The following SCAMP1 variants were observed in gnomAD, a reference collection of about 807,000 sequenced individuals.
SCAMP1 encodes secretory carrier membrane protein 1.
SCAMP1 carries 15 observed loss-of-function variants against 41.8 expected under a neutral mutation model. The observed-to-expected ratio is 0.36, with a 90% CI of 0.24 to 0.55. The LOEUF (loss-of-function observed/expected upper bound fraction) is 0.55. Ranked by LOEUF, SCAMP1 falls within the 20% of genes least tolerant of loss-of-function variation. The pLI is 0.86. For synonymous variants in SCAMP1, 135 were observed against 136.8 expected (o/e 0.99, Z 0.09); for missense variants, 341 against 412.6 (o/e 0.83, Z 1.50).
chr5:78,470,941 G>A (rs1753870706), intron 8 of SCAMP1, among the ~76,000 whole-genome samples: 1 of 152,106 alleles, frequency 6.6e-6, no homozygotes, highest in Non-Finnish European at 1.5e-5. Context: ...GTCTCCTTAA[G>A]CCATATTGCA....
At chr5:78,362,895 C>CTTTT (rs397962842) in intron 1 of SCAMP1, among the ~76,000 whole-genome samples, 1 of 136,606 alleles carries the variant, frequency 7.3e-6, no homozygotes, top group Non-Finnish European at 1.5e-5. Flanking sequence ...TCTTTTTTTA[C>CTTTT]TTTTTTTTTT....
At chr5:78,368,787 C>T (rs1750862751) in intron 1 of SCAMP1, among the ~76,000 whole-genome samples, 1 of 152,082 alleles carries the variant, frequency 6.6e-6, no homozygotes, top group East Asian at 1.9e-4. Flanking sequence ...GGAGAGCTCC[C>T]ATCAGATACT....
At chr5:78,363,701 G>A (rs771962115) in intron 1 of SCAMP1, among the ~76,000 whole-genome samples, 55 of 151,772 alleles carry the variant, frequency 3.6e-4, no homozygotes, top group African/African-American at 1.0e-3. Context: ...AAGCATCTTC[G>A]TTTGTGCCGT....
At chr5:78,457,158 A>G (rs1253501195) in intron 7 of SCAMP1, among the ~76,000 whole-genome samples, 4 of 150,974 alleles carry the variant, frequency 2.6e-5, no homozygotes, top group Non-Finnish European at 4.4e-5. Flanking sequence ...GAGTAATTTG[A>G]TCGTCTGAAG....
intron 1 of SCAMP1, among the ~76,000 whole-genome samples, chr5:78,381,773 C>T (rs1751210323): frequency 6.6e-6 from 1 of 152,134 alleles, no homozygotes. Context: ...GCTCCTTATT[C>T]AGTAGGTTGT....
At chr5:78,465,658 A>G (rs1303917685) in intron 8 of SCAMP1, among the ~76,000 whole-genome samples, 1 of 152,192 alleles carries the variant, frequency 6.6e-6, no homozygotes, top group African/African-American at 2.4e-5. Context: ...TTATCATTTT[A>G]TATTCAGGGT....
intron 8 of SCAMP1, among the ~76,000 whole-genome samples, chr5:78,463,093 CTG>C (rs1753657781): frequency 1.3e-5 from 2 of 152,200 alleles, no homozygotes; most frequent in Admixed American, 1.3e-4. Flanking sequence ...GAAGGTTAGA[CTG>C]TGTCCGTTCT....
intron 2 of SCAMP1, among the ~76,000 whole-genome samples, chr5:78,397,621 A>G (rs1173163867): frequency 2.0e-5 from 3 of 152,308 alleles, no homozygotes; most frequent in East Asian, 1.9e-4. Flanking sequence ...TTACAGTTCA[A>G]TATTAAAAAG....
intron 1 of SCAMP1, among the ~76,000 whole-genome samples, chr5:78,382,545 A>T (rs933671867): frequency 6.6e-6 from 1 of 152,016 alleles, no homozygotes; most frequent in East Asian, 1.9e-4. Context: ...TGCACCCATT[A>T]TGTAGTCTTT....
chr5:78,392,018 GGAGAGAGAGGGAGAGGGAGACCGTGGAAA>G (rs1285568638), intron 2 of SCAMP1, among the ~76,000 whole-genome samples: 1 of 117,090 alleles, frequency 8.5e-6, no homozygotes, highest in African/African-American at 3.1e-5. Context: ...AGAGGGAGAG[GGAGAGAGAGGGAGAGGGAGACCGTGGAAA>G]GAGAGGGAGA....
chr5:78,434,455 T>A (rs1752694623), intron 6 of SCAMP1, among the ~76,000 whole-genome samples: 1 of 152,162 alleles, frequency 6.6e-6, no homozygotes, highest in Admixed American at 6.5e-5. Context: ...CTACTACATC[T>A]GAGAGATATA....
intron 1 of SCAMP1, among the ~76,000 whole-genome samples, chr5:78,364,393 AAATT>A: frequency 6.6e-6 from 1 of 152,388 alleles, no homozygotes. Context: ...AATAACATTT[AAATT>A]AATTTTTAAA....
At chr5:78,455,311 G>C (rs1391277814) in intron 7 of SCAMP1, among the ~76,000 whole-genome samples, 2 of 140,180 alleles carry the variant, frequency 1.4e-5, no homozygotes, top group Non-Finnish European at 3.1e-5. Context: ...GCTTTCTCTT[G>C]TGGGCATTTA....
At chr5:78,371,451 C>CA (rs766449548) in intron 1 of SCAMP1, among the ~76,000 whole-genome samples, 41 of 152,070 alleles carry the variant, frequency 2.7e-4, no homozygotes, top group Non-Finnish European at 5.3e-4. Context: ...GCACACTTGT[C>CA]AAAAATCTCA....
chr5:78,413,243 T>C (rs1529497), intron 2 of SCAMP1, among the ~76,000 whole-genome samples: 67,572 of 151,984 alleles, frequency 0.44, 15,882 homozygotes, highest in Non-Finnish European at 0.51. Flanking sequence ...CTGTTAGATA[T>C]CAAGTTTCTG....
chr5:78,380,171 T>G (rs1253439347), intron 1 of SCAMP1, among the ~76,000 whole-genome samples: 1 of 152,226 alleles, frequency 6.6e-6, no homozygotes, highest in Non-Finnish European at 1.5e-5. Context: ...TGCATAGTAC[T>G]TTATCATGTA....
chr5:78,404,049 G>A (rs12108810), intron 2 of SCAMP1, among the ~76,000 whole-genome samples: 41,373 of 144,074 alleles, frequency 0.29, 6,153 homozygotes, highest in East Asian at 0.55. Context: ...TCAGGAGTTT[G>A]AGGCTACAAT....
intron 8 of SCAMP1, among the ~76,000 whole-genome samples, chr5:78,460,780 CCTTCCTTCCTTCCTTCCTTCCTT>C: frequency 2.8e-5 from 1 of 35,910 alleles, no homozygotes; most frequent in Admixed American, 1.7e-4. Flanking sequence ...TTCCTTCCTT[CCTTCCTTCCTTCCTTCCTTCCTT>C]CCTCCCTTCC....
intron 2 of SCAMP1, among the ~76,000 whole-genome samples, chr5:78,406,137 A>AG (rs1237669981): frequency 6.6e-6 from 1 of 152,200 alleles, no homozygotes; most frequent in Non-Finnish European, 1.5e-5. Context: ...GTTGCCTTAG[A>AG]GGGGAGTTCT....
Sources: allele counts gnomAD v4.1 joint callset (sites outside exome capture counted in the v4.1 genomes callset), GRCh38; gene constraint gnomAD v4.1.1; transcripts MANE v1.5; gene names NCBI Gene and HGNC (gene_info 2026-07-23, HGNC 2026-07-21).